Variants in ELMO1 observed in about 807,000 individuals in gnomAD.
The protein encoded by ELMO1 is engulfment and cell motility 1, also known as engulfment and cell motility protein 1.
In ELMO1, 26 loss-of-function variants were observed where a neutral mutation model predicts 98.9. The observed-to-expected ratio is 0.26, with a 90% CI of 0.19 to 0.36. The LOEUF is 0.36. Ranked by LOEUF, ELMO1 falls within the 10% of genes least tolerant of loss-of-function variation. The pLI is 1.00. For synonymous variants in ELMO1, 346 were observed against 346.0 expected, an observed-to-expected ratio of 1.00 and a Z score of 0.00; for missense variants, 627 against 935.2, an observed-to-expected ratio of 0.67 and a Z score of 4.30.
chr7:37,295,594 C>T (rs1286199415), intron 4 of ELMO1, among the ~76,000 whole-genome samples: 2 of 152,208 alleles, frequency 1.3e-5, no homozygotes, highest in African/African-American at 4.8e-5. Context: ...TCTTGCTTTT[C>T]CTTTCCCTGC....
chr7:37,250,142 C>A (rs1795261530), intron 6 of ELMO1, among the ~76,000 whole-genome samples: 1 of 152,068 alleles, frequency 6.6e-6, no homozygotes, highest in African/African-American at 2.4e-5. Context: ...ATATAAATGT[C>A]CTACAATAGG....
intron 16 of ELMO1, among the ~76,000 whole-genome samples, chr7:36,911,554 G>T (rs1166556096): frequency 6.6e-6 from 1 of 152,166 alleles, no homozygotes; most frequent in Non-Finnish European, 1.5e-5. Flanking sequence ...TGATTAGGAA[G>T]AAGATAAGCT....
At chr7:37,426,761 G>A (rs1804727741) in intron 1 of ELMO1, among the ~76,000 whole-genome samples, 1 of 151,872 alleles carries the variant, frequency 6.6e-6, no homozygotes, top group African/African-American at 2.4e-5. Flanking sequence ...CCATTTCCCA[G>A]CCCTATTTTA....
chr7:37,348,321 G>A lies in ELMO1; in HGVS notation c.-73-5558C>T, dbSNP rs567638932. On this transcript the variant is annotated intron_variant, in intron 1 of 21. Coordinates refer to ENST00000310758, the MANE Select transcript of ELMO1 (RefSeq NM_014800.11). ...AGAACCATTAAAGGGAGAAACAAAA[G>A]GGAAGTCTAGGCAGGTGGCTAGACA... 7.2e-5 allele frequency among the ~76,000 whole-genome samples: 11 copies of A among 152,198 alleles called. No individual in the cohort carries two copies. In the South Asian group the frequency reaches 2.1e-3, roughly 29 times the overall value.
chr7:37,149,777 A>G (rs1788236799), intron 13 of ELMO1, among the ~76,000 whole-genome samples: 1 of 152,226 alleles, frequency 6.6e-6, no homozygotes, highest in Non-Finnish European at 1.5e-5. Flanking sequence ...CAGTCCTTGT[A>G]CAAAGTTAAA....
chr7:37,106,012 T>C (rs1438980869), intron 14 of ELMO1, among the ~76,000 whole-genome samples: 1 of 152,172 alleles, frequency 6.6e-6, no homozygotes, highest in Non-Finnish European at 1.5e-5. Context: ...TTTAAAATGG[T>C]TAATTTTATG....
intron 6 of ELMO1, among the ~76,000 whole-genome samples, chr7:37,246,265 T>C (rs1795001046): frequency 6.6e-6 from 1 of 152,182 alleles, no homozygotes; most frequent in South Asian, 2.1e-4. Flanking sequence ...AAATTTTCCT[T>C]TGGAAATCAT....
At chr7:36,992,547 A>G (rs1224508342) in intron 16 of ELMO1, among the ~76,000 whole-genome samples, 6 of 152,218 alleles carry the variant, frequency 3.9e-5, no homozygotes, top group Non-Finnish European at 7.3e-5. Flanking sequence ...GAGTCTTGCC[A>G]AGCGCATCCA....
chr7:37,388,211 A>T (rs1475796318), intron 1 of ELMO1, among the ~76,000 whole-genome samples: 1 of 152,160 alleles, frequency 6.6e-6, no homozygotes, highest in African/African-American at 2.4e-5. Context: ...ATCCAGACAG[A>T]TGAATGAAAG....
intron 16 of ELMO1, among the ~76,000 whole-genome samples, chr7:36,909,554 T>C (rs1374994803): frequency 1.3e-5 from 2 of 152,370 alleles, no homozygotes; most frequent in East Asian, 3.9e-4. Context: ...GGCATGAACT[T>C]GATCATTTAA....
chr7:37,048,201 C>T (rs1297018501), intron 15 of ELMO1, among the ~76,000 whole-genome samples: 2 of 152,172 alleles, frequency 1.3e-5, no homozygotes, highest in African/African-American at 2.4e-5. Flanking sequence ...CCACTGAATG[C>T]CAGTAGCACC....
At chr7:37,446,073 G>A (rs1259338232) in intron 1 of ELMO1, among the ~76,000 whole-genome samples, 1 of 152,202 alleles carries the variant, frequency 6.6e-6, no homozygotes, top group Non-Finnish European at 1.5e-5. Context: ...TGGCATGGGG[G>A]AAAGGACAGC....
At chr7:37,042,456 C>G (rs1379371057) in intron 15 of ELMO1, among the ~76,000 whole-genome samples, 1 of 152,096 alleles carries the variant, frequency 6.6e-6, no homozygotes, top group African/African-American at 2.4e-5. Flanking sequence ...CTGTGCTAAT[C>G]TGCAGGAGCC....
chr7:37,248,581 T>C (rs1729536802), intron 6 of ELMO1, among the ~76,000 whole-genome samples: 2 of 152,198 alleles, frequency 1.3e-5, no homozygotes, highest in African/African-American at 4.8e-5. Context: ...CCCTGAGCAA[T>C]GCAGAGTGCA....
chr7:37,095,435 A>T (rs1784320194), intron 15 of ELMO1, among the ~76,000 whole-genome samples: 1 of 152,228 alleles, frequency 6.6e-6, no homozygotes, highest in South Asian at 2.1e-4. Context: ...GATCCATGTA[A>T]ACAGAAATCT....
intron 16 of ELMO1, among the ~76,000 whole-genome samples, chr7:37,010,314 A>G (rs1793456085): frequency 6.6e-6 from 1 of 152,240 alleles, no homozygotes; most frequent in South Asian, 2.1e-4. Flanking sequence ...ACAGCTTCCC[A>G]TTGGTGCCTG....
At chr7:37,328,722 G>T (rs1799949678) in intron 2 of ELMO1, among the ~76,000 whole-genome samples, 1 of 152,066 alleles carries the variant, frequency 6.6e-6, no homozygotes, top group Non-Finnish European at 1.5e-5. Flanking sequence ...ATTAACACTG[G>T]AACGTTTGAT....
chr7:37,031,124 C>T (rs1048388209), intron 15 of ELMO1, among the ~76,000 whole-genome samples: 2 of 152,080 alleles, frequency 1.3e-5, no homozygotes, highest in Non-Finnish European at 2.9e-5. Flanking sequence ...ACTGCTCTTC[C>T]GGATTAAGAC....
At chr7:37,115,064 T>C (rs1329020623) in intron 14 of ELMO1, among the ~76,000 whole-genome samples, 1 of 152,066 alleles carries the variant, frequency 6.6e-6, no homozygotes, top group Non-Finnish European at 1.5e-5. Flanking sequence ...AAATAGACAA[T>C]CTGAAGAGAC....
Sources: allele counts gnomAD v4.1 joint callset (sites outside exome capture counted in the v4.1 genomes callset), GRCh38; gene constraint gnomAD v4.1.1; transcripts MANE v1.5; gene names NCBI Gene and HGNC (gene_info 2026-07-23, HGNC 2026-07-21).